Variants in KCNMA1 observed in about 807,000 individuals in gnomAD.
KCNMA1 encodes the protein Calcium-activated potassium channel subunit alpha-1.
KCNMA1 carries 29 observed loss-of-function variants against 140.0 expected under a neutral mutation model. The ratio of observed to expected loss-of-function variants is 0.21; its 90% CI spans 0.15 to 0.28. The LOEUF (loss-of-function observed/expected upper bound fraction) is 0.28, where lower values mean the gene tolerates loss of function less well. Ranked by LOEUF, KCNMA1 falls within the 10% of genes least tolerant of loss-of-function variation. KCNMA1 has a pLI of 1.00. For missense variants in KCNMA1, 880 were observed against 1,602.2 expected (o/e 0.55, Z 7.70); for synonymous variants, 612 against 611.9 (o/e 1.00, Z 0.00).
At chr10:77,209,642 T>C (rs776393508) in intron 3 of KCNMA1, among the ~76,000 whole-genome samples, 84 of 152,180 alleles carry the variant, frequency 5.5e-4, no homozygotes, top group Admixed American at 8.5e-4. Flanking sequence ...CGAAAGAATA[T>C]ACAAGAATGC....
rs181553106 is a variant in KCNMA1, at chr10:77,254,303, C to T, written c.541-3047G>A. On this transcript the variant is annotated intron_variant, in intron 2 of 27. Transcript: ENST00000286628. ...GTGGCGCGATCTCAGTTCACTGCAA[C>T]CTCTGCCTCCCAGGTTCAAGCAATT... 3.3e-3 allele frequency among the ~76,000 whole-genome samples: 491 copies of T among 150,856 alleles called. 3 individuals are homozygous for T. Among genetic ancestry groups the T allele is most frequent in the Middle Eastern group, 0.01 (3 of 288 alleles).
At chr10:77,392,143 G>T (rs981991572) in intron 2 of KCNMA1, among the ~76,000 whole-genome samples, 1 of 141,452 alleles carries the variant, frequency 7.1e-6, no homozygotes, top group African/African-American at 2.7e-5. Context: ...AGGAAGGAAG[G>T]GAGGGAGGGA....
intron 1 of KCNMA1, among the ~76,000 whole-genome samples, chr10:77,452,181 T>C (rs948201565): frequency 3.3e-5 from 5 of 152,276 alleles, no homozygotes; most frequent in Admixed American, 1.3e-4. Flanking sequence ...TCTTTTCGCC[T>C]GCCATGACCC....
chr10:77,472,473 A>G (rs1290633243), intron 1 of KCNMA1, among the ~76,000 whole-genome samples: 4 of 151,944 alleles, frequency 2.6e-5, no homozygotes, highest in African/African-American at 9.7e-5. Context: ...CAGAGAGCAT[A>G]CATACTAAAC....
intron 24 of KCNMA1, chr10:76,912,969 T>C (rs1349786223): frequency 6.6e-6 from 1 of 152,212 alleles, no homozygotes; most frequent in East Asian, 1.9e-4. Flanking sequence ...AGTGTGATAC[T>C]CCCTGACCTG....
chr10:77,055,237 G>A (rs944501188), intron 14 of KCNMA1, among the ~76,000 whole-genome samples: 1 of 152,138 alleles, frequency 6.6e-6, no homozygotes, highest in Admixed American at 6.5e-5. Context: ...AACAATGGCA[G>A]GTAGATTGAA....
intron 14 of KCNMA1, among the ~76,000 whole-genome samples, chr10:77,056,733 T>A (rs1037965198): frequency 2.0e-5 from 3 of 152,110 alleles, no homozygotes; most frequent in Non-Finnish European, 2.9e-5. Flanking sequence ...ATCAAAATTT[T>A]AAAAATCAAA....
chr10:76,951,936 T>C lies in KCNMA1; in HGVS notation c.2484+1865A>G, dbSNP rs1284691524. 3 of 1,139,676 alleles carry C rather than the reference T, an allele frequency of 2.6e-6. No homozygotes were observed. The African/African-American group carries it at 4.6e-5, about 18-fold the overall frequency. 70.6% of individuals were successfully genotyped at this position (1,139,676 alleles called of 1,614,324 possible). ...TGTGAGAGCAGTCGTTGTCAGGGAT[T>C]GCATCTCCAGTAACTAGAATGGTGT... On this transcript the variant is annotated intron_variant, in intron 21 of 27. Coordinates refer to ENST00000286628, the MANE Select transcript of KCNMA1 (RefSeq NM_001161352.2).
chr10:77,150,741 A>G (rs993721200), intron 5 of KCNMA1, among the ~76,000 whole-genome samples: 2 of 152,246 alleles, frequency 1.3e-5, no homozygotes, highest in African/African-American at 4.8e-5. Flanking sequence ...AGAACCGCTG[A>G]GAGAGATAAA....
chr10:77,562,839 G>T (rs1567563709), intron 1 of KCNMA1, among the ~76,000 whole-genome samples: 2 of 152,222 alleles, frequency 1.3e-5, no homozygotes, highest in Non-Finnish European at 2.9e-5. Flanking sequence ...TGTGCCAGGA[G>T]GATGGAAGAA....
At chr10:77,188,573 A>G (rs2098903701) in intron 3 of KCNMA1, among the ~76,000 whole-genome samples, 1 of 152,162 alleles carries the variant, frequency 6.6e-6, no homozygotes, top group Non-Finnish European at 1.5e-5. Context: ...TATGGAGTAA[A>G]TGTTCAGTTG....
intron 1 of KCNMA1, among the ~76,000 whole-genome samples, chr10:77,466,128 T>C (rs576851773): frequency 2.0e-5 from 3 of 152,194 alleles, no homozygotes; most frequent in East Asian, 1.9e-4. Flanking sequence ...GGCCCAGACC[T>C]CTCTGCCCCT....
At chr10:77,561,204 T>C (rs2066281353) in intron 1 of KCNMA1, among the ~76,000 whole-genome samples, 1 of 152,174 alleles carries the variant, frequency 6.6e-6, no homozygotes, top group Admixed American at 6.5e-5. Context: ...CATTGTGCTA[T>C]GGGCTTCACA....
chr10:77,463,505 C>T (rs920836132), intron 1 of KCNMA1, among the ~76,000 whole-genome samples: 1 of 152,172 alleles, frequency 6.6e-6, no homozygotes, highest in Non-Finnish European at 1.5e-5. Flanking sequence ...TTTGGTGGCA[C>T]CTCCCTGATG....
chr10:77,016,586 C>T (rs2092091638), intron 17 of KCNMA1, among the ~76,000 whole-genome samples: 1 of 152,108 alleles, frequency 6.6e-6, no homozygotes, highest in African/African-American at 2.4e-5. Context: ...CTTGGCAACT[C>T]ATTTGTATTT....
At chr10:77,403,513 G>C (rs576492925) in intron 2 of KCNMA1, among the ~76,000 whole-genome samples, 1 of 152,236 alleles carries the variant, frequency 6.6e-6, no homozygotes, top group Admixed American at 6.5e-5. Context: ...CGCATTTGTA[G>C]CCCTTCCATG....
intron 1 of KCNMA1, among the ~76,000 whole-genome samples, chr10:77,609,367 T>C (rs989331186): frequency 1.3e-5 from 2 of 152,212 alleles, no homozygotes; most frequent in Non-Finnish European, 2.9e-5. Context: ...TACTACGTGA[T>C]CTAATTTATA....
At chr10:77,298,424 C>T (rs1039255205) in intron 2 of KCNMA1, among the ~76,000 whole-genome samples, 1 of 152,050 alleles carries the variant, frequency 6.6e-6, no homozygotes, top group Non-Finnish European at 1.5e-5. Context: ...GTACTTTTAG[C>T]AGAGACAGGG....
At chr10:77,446,954 T>C (rs2097539981) in intron 1 of KCNMA1, among the ~76,000 whole-genome samples, 2 of 152,248 alleles carry the variant, frequency 1.3e-5, no homozygotes, top group Non-Finnish European at 2.9e-5. Context: ...CCACTTGCCC[T>C]TCAGGGTCAG....
Sources: gnomAD v4.1 joint callset for allele counts (sites outside exome capture counted in the v4.1 genomes callset) on GRCh38, gnomAD v4.1.1 for gene constraint, MANE v1.5 for transcripts, NCBI Gene and HGNC (gene_info 2026-07-23, HGNC 2026-07-21) for gene names.